The following ANKRD42 variants were observed in gnomAD, a reference collection of about 807,000 sequenced individuals.
ANKRD42 encodes ankyrin repeat domain-containing protein 42.
ANKRD42 carries 43 observed loss-of-function variants against 51.5 expected under a neutral mutation model. That is an observed-to-expected ratio of 0.83 (90% CI 0.65 to 1.08). The LOEUF is 1.08. Ranked by LOEUF, ANKRD42 falls within the 50% of genes least tolerant of loss-of-function variation. The pLI, the probability that ANKRD42 is intolerant of heterozygous loss-of-function variation, is 0.00. For missense variants in ANKRD42, 608 were observed against 629.3 expected, an observed-to-expected ratio of 0.97 and a Z score of 0.36; for synonymous variants, 203 against 213.0, an observed-to-expected ratio of 0.95 and a Z score of 0.41.
intron 5 of ANKRD42, chr11:83,213,034 C>A (rs1318059923): frequency 6.3e-7 from 1 of 1,599,898 alleles, no homozygotes; most frequent in South Asian, 1.1e-5. Context: ...TTGTGAAGCC[C>A]AGGATCATCA....
Position 83,219,513 on chromosome 11 carries a change from T to C in ANKRD42, c.587-5342T>C, listed in dbSNP as rs181670568. ...TTTAAAGGGGGTGGTGGATGTCCTC[T>C]AGGCCAGGGCCAAGAGAACAGCTGC... On this transcript the variant is annotated intron_variant, in intron 5 of 10. Transcript: ENST00000533342. Among the ~76,000 whole-genome samples, 318 of 152,336 alleles carry C rather than the reference T, an allele frequency of 2.1e-3. 1 individual carries two copies. Among genetic ancestry groups the C allele is most frequent in the East Asian group, 0.02 (105 of 5,176 alleles).
intron 1 of ANKRD42, among the ~76,000 whole-genome samples, chr11:83,196,007 G>A (rs377635365): frequency 2.6e-5 from 4 of 151,928 alleles, no homozygotes; most frequent in African/African-American, 7.2e-5. Context: ...CACCACACCC[G>A]GCTAATTTTT....
intron 1 of ANKRD42, among the ~76,000 whole-genome samples, chr11:83,196,085 G>T (rs1396510070): frequency 1.3e-5 from 2 of 152,034 alleles, no homozygotes; most frequent in Non-Finnish European, 2.9e-5. Flanking sequence ...CTCATGATCT[G>T]CCCACCTCGG....
chr11:83,248,895 C>T lies in ANKRD42; in HGVS notation c.*691C>T, dbSNP rs1442125699. ...ATTTCTATGCATATGCAAATATAAC[C>T]ACTTCCTCAGTTTCTCTGGGTTTTG... is the stretch of plus-strand genomic sequence containing the variant. On this transcript the variant is annotated 3_prime_UTR_variant, in exon 11 of 11. Transcript: ENST00000533342. 6.1e-6 allele frequency: 6 copies of T among 982,874 alleles called. No individual in the cohort carries two copies. Among genetic ancestry groups the T allele is most frequent in the Non-Finnish European group, 7.2e-6 (6 of 827,798 alleles). The allele number at this position is 982,874 out of a possible 1,614,324, so 60.9% of individuals were successfully genotyped here.
chr11:83,195,401 C>G (rs1861604335), intron 1 of ANKRD42, among the ~76,000 whole-genome samples: 1 of 152,112 alleles, frequency 6.6e-6, no homozygotes, highest in Non-Finnish European at 1.5e-5. Flanking sequence ...GCCACTGATT[C>G]CAGTAGGGGG....
At chr11:83,203,011 G>C (rs1287496936) in intron 2 of ANKRD42, among the ~76,000 whole-genome samples, 3 of 119,622 alleles carry the variant, frequency 2.5e-5, no homozygotes, top group Non-Finnish European at 5.2e-5. Flanking sequence ...TTTTTTTTCA[G>C]ACAGGGTATC....
chr11:83,252,769 C>CT (rs1008252263), downstream of ANKRD42, among the ~76,000 whole-genome samples: 7 of 150,884 alleles, frequency 4.6e-5, no homozygotes, highest in Admixed American at 2.0e-4. Flanking sequence ...CAAGCTGTAC[C>CT]TTTTTTTTTC....
intron 2 of ANKRD42, among the ~76,000 whole-genome samples, chr11:83,201,206 G>A (rs2135482097): frequency 6.6e-6 from 1 of 152,168 alleles, no homozygotes; most frequent in Non-Finnish European, 1.5e-5. Flanking sequence ...GTGTCCATGT[G>A]TTCTTATTGT....
chr11:83,259,659 G>T (rs944903068), downstream of ANKRD42: 2 of 151,462 alleles, frequency 1.3e-5, no homozygotes, highest in Admixed American at 6.6e-5. Context: ...TATTGGAGAA[G>T]TTTTTTTTTA....
Position 83,210,414 on chromosome 11 carries a change from G to A in ANKRD42, c.445G>A (p.Gly149Arg). The change falls in exon 4 of 11, where the codon GGA becomes AGA. Residue 149 changes from glycine to arginine, a missense_variant. Transcript: ENST00000533342. Reference sequence around the variant, plus strand: ...CACTTTACAAATAATGCTCCGAAGTGGAGTGGTGAGTGACTCCTGTTAATA... The same window carrying A: ...CACTTTACAAATAATGCTCCGAAGTAGAGTGGTGAGTGACTCCTGTTAATA... ...SFTLQIMLRS[G>R]VDPSVTDKRE... is the part of the protein sequence containing the mutation. The A allele has an allele frequency of 6.2e-7, 1 of 1,613,788 alleles. No individual in the cohort carries two copies. Among genetic ancestry groups the A allele is most frequent in the Non-Finnish European group, 8.5e-7 (1 of 1,179,792 alleles).
intron 6 of ANKRD42, among the ~76,000 whole-genome samples, chr11:83,225,853 C>CATT (rs1862865560): frequency 6.7e-6 from 1 of 150,086 alleles, no homozygotes; most frequent in South Asian, 2.1e-4. Context: ...TCCCTAATAC[C>CATT]ATTACCTTTT....
intron 11 of ANKRD42, among the ~76,000 whole-genome samples, chr11:83,254,464 C>T (rs1262865702): frequency 7.4e-6 from 1 of 135,062 alleles, no homozygotes; most frequent in African/African-American, 2.8e-5. Flanking sequence ...CAGGGTCTTG[C>T]TCTGTAGCAC....
At position 83,236,496 on chromosome 11, in the gene ANKRD42, G is replaced by A; in HGVS notation, c.1006G>A (p.Asp336Asn). 2 of 1,609,624 alleles carry A rather than the reference G, an allele frequency of 1.2e-6. No individual in the cohort carries two copies. Among genetic ancestry groups the A allele is most frequent in the Non-Finnish European group, 1.7e-6 (2 of 1,178,040 alleles). Reference sequence around the variant, plus strand: ...CAACAAAGCAGGGGAGAGACCCAGTGATGTGGCAAAGAGGTATAAATCTCT... The same window carrying A: ...CAACAAAGCAGGGGAGAGACCCAGTAATGTGGCAAAGAGGTATAAATCTCT... ...ITNKAGERPS[D>N]VAKRFAHLAA... The change falls in exon 8 of 11, where the codon GAT (aspartate) becomes AAT (asparagine). Residue 336 changes from aspartate (D) to asparagine (N), a missense_variant. Asp to Asn is a conservative substitution (Grantham distance 23). Transcript: ENST00000533342.
intron 9 of ANKRD42, 24 bp from the exon 10 acceptor site, chr11:83,245,474 T>C (rs1863516994): frequency 6.5e-7 from 1 of 1,533,962 alleles, no homozygotes; most frequent in South Asian, 1.2e-5. Flanking sequence ...TCTAACTAGG[T>C]TCCTACTCAA....
chr11:83,233,730 T>TG (rs1487803390), intron 7 of ANKRD42, among the ~76,000 whole-genome samples: 1 of 152,244 alleles, frequency 6.6e-6, no homozygotes, highest in Non-Finnish European at 1.5e-5. Flanking sequence ...TCACCCATGC[T>TG]GGAGTGCAGT....
At chr11:83,236,736 A>G (rs1398296882) in intron 8 of ANKRD42, among the ~76,000 whole-genome samples, 3 of 152,056 alleles carry the variant, frequency 2.0e-5, no homozygotes, top group South Asian at 2.1e-4. Flanking sequence ...TCCTCATGGG[A>G]GGGGTCTTTG....
intron 10 of ANKRD42, among the ~76,000 whole-genome samples, chr11:83,246,685 C>G (rs1182502415): frequency 1.3e-5 from 2 of 152,200 alleles, no homozygotes; most frequent in Non-Finnish European, 2.9e-5. Flanking sequence ...CCGTCACACT[C>G]TTAGAACTGC....
intron 8 of ANKRD42, among the ~76,000 whole-genome samples, chr11:83,237,027 G>A (rs944962198): frequency 6.6e-6 from 1 of 152,150 alleles, no homozygotes; most frequent in Non-Finnish European, 1.5e-5. Context: ...ATTCAGGTTA[G>A]GTTCTCAAGA....
rs1000248036 is a variant in ANKRD42 at position 83,255,824 on chromosome 11, C to T, written c.1465-21C>T. ...TGCTAGCATGAAAATTGTATTTGAC[C>T]CTCTTTTCCTTTGCTTATAGGAAGA... On this transcript the variant is annotated intron_variant, in intron 11 of 11. Coordinates refer to the ANKRD42 transcript ENST00000260047. 4.0e-6 allele frequency: 6 copies of T among 1,501,404 alleles called. No homozygotes were observed. In the Admixed American group the frequency reaches 9.5e-5, roughly 24 times the overall value. 93.0% of individuals were successfully genotyped at this position (1,501,404 alleles called of 1,614,324 possible). A position where few individuals can be genotyped will look rare whatever the true frequency, so the allele number is the denominator to read the frequency against.
Sources: allele counts gnomAD v4.1 joint callset (sites outside exome capture counted in the v4.1 genomes callset), GRCh38; gene constraint gnomAD v4.1.1; transcripts MANE v1.5; gene names NCBI Gene and HGNC (gene_info 2026-07-23, HGNC 2026-07-21).